SAMD7: variants seen among roughly 807,000 people sequenced by gnomAD.
SAMD7 encodes sterile alpha motif domain containing 7.
In SAMD7, 34 loss-of-function variants were observed where a neutral mutation model predicts 36.7. The observed-to-expected ratio is 0.93, with a 90% CI of 0.71 to 1.23. SAMD7 has a LOEUF of 1.23. SAMD7 is among the 50% of genes most tolerant of loss of function. The pLI, the probability that SAMD7 is intolerant of heterozygous loss-of-function variation, is 0.00. For synonymous variants in SAMD7, 188 were observed against 189.7 expected (o/e 0.99, Z 0.07); for missense variants, 570 against 546.6 (o/e 1.04, Z -0.43).
chr3:169,926,943 A>G lies in SAMD7; in HGVS notation c.681A>G (p.Pro227=), dbSNP rs1482979566. 4 of 1,613,944 alleles carry G rather than the reference A, an allele frequency of 2.5e-6. No individual in the cohort carries two copies. The South Asian group carries it at 3.3e-5, about 13-fold the overall frequency. The part of the protein sequence containing the change: ...PYEEDHYAKD[P]DIEAPSNQKS... ...AAGAGGATCATTATGCAAAAGACCC[A>G]GACATTGAAGCACCCAGCAACCAGA... is the stretch of plus-strand genomic sequence containing the variant. Residue 227 remains proline (P), a synonymous_variant, in exon 6 of 9, where the codon CCA becomes CCG. Transcript: ENST00000335556.
chr3:169,928,622 A>G (rs758862868), intron 7 of SAMD7, 44 bp downstream of exon 7: 19 of 1,594,754 alleles, frequency 1.2e-5, no homozygotes, highest in Non-Finnish European at 1.5e-5. Context: ...AAACAGTTTG[A>G]AATATCTTTC....
intron 2 of SAMD7, among the ~76,000 whole-genome samples, chr3:169,917,849 G>C (rs1239535553): frequency 1.3e-5 from 2 of 152,062 alleles, no homozygotes; most frequent in Non-Finnish European, 2.9e-5. Flanking sequence ...CACCATGTTA[G>C]CTAGGCTGGT....
intron 2 of SAMD7, among the ~76,000 whole-genome samples, chr3:169,919,233 T>G (rs1249231170): frequency 1.3e-5 from 2 of 152,206 alleles, no homozygotes; most frequent in Non-Finnish European, 2.9e-5. Context: ...GCTTGTAGTT[T>G]GGTACCGTAT....
chr3:169,931,099 A>G (rs991474350), intron 7 of SAMD7, among the ~76,000 whole-genome samples: 6 of 152,232 alleles, frequency 3.9e-5, no homozygotes, highest in African/African-American at 1.4e-4. Flanking sequence ...TCTTTTAAAT[A>G]GGTGTAGAGA....
intron 1 of SAMD7, among the ~76,000 whole-genome samples, chr3:169,912,053 G>A (rs1712620673): frequency 6.6e-6 from 1 of 152,122 alleles, no homozygotes; most frequent in Non-Finnish European, 1.5e-5. Flanking sequence ...ACACTGCCTG[G>A]TCTTAGTTTT....
At position 169,925,058 on chromosome 3, in the gene SAMD7, G is replaced by A; in HGVS notation, c.212G>A (p.Gly71Asp). 3.7e-6 allele frequency: 6 copies of A among 1,600,516 alleles called. No individual in the cohort carries two copies. Among genetic ancestry groups the A allele is most frequent in the Non-Finnish European group, 5.1e-6 (6 of 1,172,680 alleles). Residue 71 changes from glycine to aspartate, a missense_variant and splice_region_variant, in exon 5 of 9, where the codon GGT (glycine) becomes GAT (aspartate). By Grantham distance (94) the Gly-to-Asp change is moderately conservative. Transcript: ENST00000335556. Reference protein sequence around the residue: ...ANVLSSRIYPGWGILPPESIK... With the variant: ...ANVLSSRIYPDWGILPPESIK... ...TGGGATGGTGGTTTTCTTTTTTAAGGTTGGGGCATTTTACCACCTGAATCC... is the reference window on the plus strand; with the variant it reads ...TGGGATGGTGGTTTTCTTTTTTAAGATTGGGGCATTTTACCACCTGAATCC...
chr3:169,917,551 ACCT>A (rs1347198328), intron 2 of SAMD7, among the ~76,000 whole-genome samples: 1 of 152,076 alleles, frequency 6.6e-6, no homozygotes, highest in Non-Finnish European at 1.5e-5. Flanking sequence ...CCTATCCATC[ACCT>A]CAAGTATTTA....
chr3:169,914,219 A>G (rs995619266), intron 1 of SAMD7, among the ~76,000 whole-genome samples: 1 of 151,424 alleles, frequency 6.6e-6, no homozygotes, highest in Non-Finnish European at 1.5e-5. Context: ...GGATATGAAA[A>G]CTCTCTGTAG....
At chr3:169,928,109 C>T (rs1713347227) in intron 6 of SAMD7, among the ~76,000 whole-genome samples, 1 of 152,168 alleles carries the variant, frequency 6.6e-6, no homozygotes. Flanking sequence ...GAAAATGTAG[C>T]TAAATTATTG....
intron 5 of SAMD7, 67 bp downstream of exon 5, chr3:169,925,203 T>G: frequency 4.0e-6 from 4 of 999,626 alleles, no homozygotes; most frequent in Non-Finnish European, 6.2e-6. Flanking sequence ...ACTTGTTATC[T>G]TCATATAACA....
chr3:169,917,252 A>T (rs1226063504), intron 2 of SAMD7, among the ~76,000 whole-genome samples: 1 of 152,236 alleles, frequency 6.6e-6, no homozygotes, highest in African/African-American at 2.4e-5. Flanking sequence ...GAACCATGTG[A>T]ATGAATTAAC....
At chr3:169,919,725 C>A in intron 3 of SAMD7, 141 bp downstream of exon 3, 2 of 725,292 alleles carry the variant, frequency 2.8e-6, no homozygotes, top group Non-Finnish European at 4.8e-6. Flanking sequence ...GTCAAGACAC[C>A]CTGCTGGCCT....
intron 2 of SAMD7, among the ~76,000 whole-genome samples, chr3:169,917,020 A>T (rs949750096): frequency 2.6e-5 from 4 of 152,226 alleles, no homozygotes; most frequent in Non-Finnish European, 5.9e-5. Context: ...GGTGGTAACT[A>T]AACTCTCTGA....
intron 4 of SAMD7, among the ~76,000 whole-genome samples, chr3:169,922,710 T>G (rs1713099016): frequency 1.3e-5 from 2 of 152,180 alleles, no homozygotes; most frequent in Admixed American, 6.5e-5. Context: ...CTGTTGGCCA[T>G]GCTGGTCTGG....
rs1346955473 is a variant in SAMD7, at chr3:169,938,970, C to T, written c.*464C>T. 2 of 152,416 alleles carry T rather than the reference C, an allele frequency of 1.3e-5. No individual in the cohort carries two copies. Among genetic ancestry groups the T allele is most frequent in the Admixed American group, 6.6e-5 (1 of 15,266 alleles). The allele number at this position is 152,416 out of a possible 1,614,324, so 9.4% of individuals were successfully genotyped here. A position where few individuals can be genotyped will look rare whatever the true frequency, so the allele number is the denominator to read the frequency against. ...GACCACGACTCCATCTCTTCTCATT[C>T]CAGATTTCCAGCGTGAAGCAGGCCC... On this transcript the variant is annotated 3_prime_UTR_variant, in exon 9 of 9. Transcript: ENST00000335556.
At position 169,938,440 on chromosome 3, in the gene SAMD7, G is replaced by T. The variant is rs755881999; in HGVS notation, c.1275G>T (p.Met425Ile). 10 of 1,613,080 alleles carry T rather than the reference G, an allele frequency of 6.2e-6. No homozygotes were observed. The highest frequency in any genetic ancestry group is 2.7e-5 in the African/African-American group (2 of 74,896). The stretch of plus-strand genomic sequence containing the variant: ...ATCCTAATTCCTGGAGTGATACAAT[G>T]AACATTTTTTGTCCCCAGGATACAA... ...LLDPNSWSDTMNIFCPQDTII... is the reference protein window; with the variant it reads ...LLDPNSWSDTINIFCPQDTII... Residue 425 changes from methionine (M) to isoleucine (I), a missense_variant, in exon 9 of 9, where the codon ATG becomes ATT. Transcript: ENST00000335556.
At chr3:169,915,606 A>G (rs1712763327) in intron 2 of SAMD7, 165 bp downstream of exon 2, 1 of 107,554 alleles carries the variant, frequency 9.3e-6, no homozygotes, top group Non-Finnish European at 1.7e-5. Flanking sequence ...TTTTTTGGAG[A>G]CAGAATCTCC....
chr3:169,923,324 G>A (rs897708184), intron 4 of SAMD7, among the ~76,000 whole-genome samples: 4 of 152,210 alleles, frequency 2.6e-5, no homozygotes, highest in Non-Finnish European at 5.9e-5. Context: ...GGCCCACTCA[G>A]TAAATTGGTT....
Position 169,926,814 on chromosome 3 carries a change from C to T in SAMD7, c.552C>T (p.Leu184=). 2 of 1,613,746 alleles carry T rather than the reference C, an allele frequency of 1.2e-6. No individual in the cohort carries two copies. The highest frequency in any genetic ancestry group is 1.7e-5 in the Admixed American group (1 of 59,976). The stretch of plus-strand genomic sequence containing the variant: ...GCTGGGGGCAGAGATGTCGTCGACT[C>T]AGGAAAAATACAGGGAATCAAAAAG... ...EESWGQRCRR[L]RKNTGNQKAL... is the part of the protein sequence containing the mutation. Residue 184 remains leucine, a synonymous_variant, in exon 6 of 9, where the codon CTC becomes CTT. Transcript: ENST00000335556.
Sources: gnomAD v4.1 joint callset for allele counts (sites outside exome capture counted in the v4.1 genomes callset) on GRCh38, gnomAD v4.1.1 for gene constraint, MANE v1.5 for transcripts, NCBI Gene and HGNC (gene_info 2026-07-23, HGNC 2026-07-21) for gene names.